Variants in CHLSN observed in about 807,000 individuals in gnomAD.
The protein encoded by CHLSN is protein cholesin.
chr7:1,076,429 G>T, the CHLSN span, among the ~76,000 whole-genome samples: 1 of 152,182 alleles, frequency 6.6e-6, no homozygotes. Context: ...TCCCTCCCAG[G>T]CATGGGCTCT....
the CHLSN span, among the ~76,000 whole-genome samples, chr7:979,542 A>C: frequency 1.3e-5 from 2 of 152,118 alleles, no homozygotes; most frequent in African/African-American, 4.8e-5. Flanking sequence ...ATCTGAGGTT[A>C]GGAGTTCAAG....
the CHLSN span, among the ~76,000 whole-genome samples, chr7:1,055,047 C>T: frequency 1.3e-5 from 2 of 152,232 alleles, no homozygotes; most frequent in Admixed American, 6.5e-5. Flanking sequence ...TGCCCCCAGG[C>T]TCTCGGTGGG....
chr7:1,127,481 TA>T, the CHLSN span: 101,461 of 839,170 alleles, frequency 0.12, 2 homozygotes, highest in South Asian at 0.16. Context: ...ACTCTCCCAT[TA>T]AAAAAAAAAA....
the CHLSN span, among the ~76,000 whole-genome samples, chr7:1,135,457 A>G: frequency 6.6e-6 from 1 of 152,028 alleles, no homozygotes; most frequent in Non-Finnish European, 1.5e-5. Flanking sequence ...ACATATATCT[A>G]CATGTGTGTA....
At chr7:1,133,633 A>T in the CHLSN span, among the ~76,000 whole-genome samples, 1 of 151,552 alleles carries the variant, frequency 6.6e-6, no homozygotes, top group East Asian at 1.9e-4. Context: ...AGGCGCCTGT[A>T]GTCCCAACTA....
chr7:1,058,099 G>T, the CHLSN span: 5 of 764,328 alleles, frequency 6.5e-6, no homozygotes, highest in African/African-American at 6.8e-5. Flanking sequence ...GTGTTCATCG[G>T]CTACGTGGTG....
At chr7:1,010,131 G>C in the CHLSN span, 1 of 1,610,912 alleles carries the variant, frequency 6.2e-7, no homozygotes, top group Non-Finnish European at 8.5e-7. Context: ...CCGGGCCTGA[G>C]CACAGCTTCG....
the CHLSN span, among the ~76,000 whole-genome samples, chr7:1,000,786 T>C: frequency 6.6e-6 from 1 of 152,144 alleles, no homozygotes; most frequent in Non-Finnish European, 1.5e-5. Flanking sequence ...ACTCTTACCT[T>C]GGCCACCCCG....
the CHLSN span, chr7:1,024,974 T>C: frequency 0.2 from 31,123 of 152,178 alleles, 3,573 homozygotes; most frequent in African/African-American, 0.3. Context: ...GGCTCCCACA[T>C]ACCTGCTCTA....
chr7:1,137,010 A>T, the CHLSN span, among the ~76,000 whole-genome samples: 1 of 152,070 alleles, frequency 6.6e-6, no homozygotes, highest in African/African-American at 2.4e-5. Flanking sequence ...TAAACTCCTA[A>T]ATCAGATGGT....
chr7:1,050,876 G>T, the CHLSN span, among the ~76,000 whole-genome samples: 6 of 152,218 alleles, frequency 3.9e-5, no homozygotes, highest in East Asian at 5.8e-4. Context: ...CGCGCAGGGG[G>T]TCTCGGAGAA....
chr7:1,042,118 C>CTT, the CHLSN span, among the ~76,000 whole-genome samples: 1 of 151,828 alleles, frequency 6.6e-6, no homozygotes, highest in African/African-American at 2.4e-5. Context: ...TGCGGGGCTG[C>CTT]AGAATCAGGT....
the CHLSN span, among the ~76,000 whole-genome samples, chr7:1,102,129 A>T: frequency 6.6e-6 from 1 of 152,270 alleles, no homozygotes; most frequent in Non-Finnish European, 1.5e-5. Context: ...TACAGGCAAC[A>T]GCCCAGTGCC....
the CHLSN span, chr7:1,021,679 G>A: frequency 7.3e-5 from 43 of 591,192 alleles, no homozygotes; most frequent in Non-Finnish European, 9.1e-5. Flanking sequence ...CCGGCAGGTC[G>A]GCTGGAGGCA....
At chr7:1,121,550 G>A in the CHLSN span, among the ~76,000 whole-genome samples, 1 of 152,328 alleles carries the variant, frequency 6.6e-6, no homozygotes, top group South Asian at 2.1e-4. Context: ...TGATTTTCAA[G>A]ATTACAAAAG....
At chr7:1,027,165 ACACT>A in the CHLSN span, 2 of 152,254 alleles carry the variant, frequency 1.3e-5, no homozygotes, top group East Asian at 1.9e-4. Context: ...ATAGTTTAAA[ACACT>A]CACATCTGGG....
At chr7:1,057,614 C>A in the CHLSN span, 3 of 770,106 alleles carry the variant, frequency 3.9e-6, no homozygotes, top group Non-Finnish European at 7.2e-6. Flanking sequence ...CGCTGCTGGG[C>A]CTGGTGGTGG....
the CHLSN span, among the ~76,000 whole-genome samples, chr7:1,052,775 C>T: frequency 6.6e-6 from 1 of 152,070 alleles, no homozygotes; most frequent in Non-Finnish European, 1.5e-5. This position sits in a 1 kb window ranked among gnomAD's most constrained non-coding sequence, Gnocchi z 4.2. Flanking sequence ...AGGGCATGTG[C>T]CAGCTCTGTT....
At chr7:1,086,845 T>A in the CHLSN span, 1 of 152,526 alleles carries the variant, frequency 6.6e-6, no homozygotes. Context: ...TCACTCAGCA[T>A]TCAATCTCAC....
Sources: allele counts gnomAD v4.1 joint callset (sites outside exome capture counted in the v4.1 genomes callset), GRCh38; gene constraint gnomAD v4.1.1; non-coding constraint Gnocchi (gnomAD v3.1); transcripts MANE v1.5; gene names NCBI Gene and HGNC (gene_info 2026-07-23, HGNC 2026-07-21).